GABRB2: variants seen among roughly 807,000 people sequenced by gnomAD.
GABRB2 encodes the protein gamma-aminobutyric acid receptor subunit beta-2.
A neutral mutation model predicts 54.7 loss-of-function variants in GABRB2; 16 were observed. The observed-to-expected ratio is 0.29, with a 90% CI of 0.20 to 0.44. The LOEUF is 0.44. Among genes scored for constraint, GABRB2 ranks in the 20% least tolerant of loss-of-function variants. The probability of loss-of-function intolerance (pLI) is 1.00; values close to 1 mark genes in which losing one functional copy is unlikely to be tolerated. For missense variants in GABRB2, 355 were observed against 644.0 expected, an observed-to-expected ratio of 0.55 and a Z score of 4.86; for synonymous variants, 244 against 233.8, an observed-to-expected ratio of 1.04 and a Z score of -0.40.
intron 3 of GABRB2, among the ~76,000 whole-genome samples, chr5:161,491,819 T>C (rs1759098547): frequency 6.6e-6 from 1 of 151,746 alleles, no homozygotes; most frequent in Admixed American, 6.6e-5. Flanking sequence ...CACTGCATTC[T>C]GTCTACAAAG....
At chr5:161,320,111 A>AT (rs1285347953) in intron 9 of GABRB2, among the ~76,000 whole-genome samples, 7 of 150,948 alleles carry the variant, frequency 4.6e-5, no homozygotes, top group Middle Eastern at 3.3e-3. Flanking sequence ...GGTTATTTTG[A>AT]TTTTCTAATT....
intron 3 of GABRB2, among the ~76,000 whole-genome samples, chr5:161,497,468 C>T (rs1438085137): frequency 6.6e-6 from 1 of 151,786 alleles, no homozygotes; most frequent in Non-Finnish European, 1.5e-5. Flanking sequence ...CATGAGATCC[C>T]ATGGGGACTC....
intron 3 of GABRB2, among the ~76,000 whole-genome samples, chr5:161,500,092 T>C (rs1037651192): frequency 3.9e-5 from 6 of 152,198 alleles, no homozygotes; most frequent in Non-Finnish European, 7.4e-5. Context: ...GGTTTTCTCT[T>C]AGTTCATTTA....
Position 161,483,522 on chromosome 5 carries a change from GAAACAGTGTTAT to G in GABRB2, c.238-23690_238-23679del, listed in dbSNP as rs565957721. The stretch of plus-strand genomic sequence containing the variant: ...AGACTCCTGGCCTGACCTCTTTATT[GAAACAGTGTTAT>G]AAAAAAGAGACAAATTAAAACAGAA... On this transcript the variant is annotated intron_variant, in intron 3 of 9. Coordinates refer to ENST00000393959, the MANE Select transcript of GABRB2 (RefSeq NM_001371727.1). Among the ~76,000 whole-genome samples the G allele has an allele frequency of 3.5e-3, 534 of 151,944 alleles. 3 individuals carry two copies. Among genetic ancestry groups the G allele is most frequent in the Non-Finnish European group, 5.9e-3 (399 of 67,920 alleles).
chr5:161,513,755 C>T (rs1415411754), intron 3 of GABRB2, among the ~76,000 whole-genome samples: 2 of 151,886 alleles, frequency 1.3e-5, no homozygotes, highest in African/African-American at 2.4e-5. Context: ...CTGTAATAAA[C>T]CTGCACGTGC....
intron 5 of GABRB2, among the ~76,000 whole-genome samples, chr5:161,404,909 A>G (rs1456958309): frequency 6.6e-6 from 1 of 152,136 alleles, no homozygotes; most frequent in East Asian, 1.9e-4. Flanking sequence ...AGATCATGTA[A>G]TCCCATCACT....
chr5:161,446,774 C>A (rs1468208973), intron 4 of GABRB2, among the ~76,000 whole-genome samples: 2 of 152,028 alleles, frequency 1.3e-5, no homozygotes, highest in South Asian at 4.2e-4. Context: ...GTAAAACAAC[C>A]CCTGTGTCTT....
chr5:161,500,658 A>AT (rs1166555548), intron 3 of GABRB2, among the ~76,000 whole-genome samples: 1 of 152,052 alleles, frequency 6.6e-6, no homozygotes, highest in Non-Finnish European at 1.5e-5. Flanking sequence ...TATGTAAAAT[A>AT]TTTTTTCTTT....
At chr5:161,384,191 T>C (rs1403701132) in intron 5 of GABRB2, among the ~76,000 whole-genome samples, 2 of 152,228 alleles carry the variant, frequency 1.3e-5, no homozygotes, top group African/African-American at 4.8e-5. Context: ...TAAAAAGATA[T>C]GTGGTCAATT....
At chr5:161,474,168 C>A (rs1356634035) in intron 3 of GABRB2, among the ~76,000 whole-genome samples, 1 of 151,946 alleles carries the variant, frequency 6.6e-6, no homozygotes, top group Non-Finnish European at 1.5e-5. Context: ...GGCGTACTGG[C>A]TTTTCCTTAT....
At chr5:161,501,167 T>C (rs1759427189) in intron 3 of GABRB2, among the ~76,000 whole-genome samples, 1 of 152,108 alleles carries the variant, frequency 6.6e-6, no homozygotes, top group Non-Finnish European at 1.5e-5. Flanking sequence ...ATAAACTCAC[T>C]GAATAAATTA....
chr5:161,365,820 TAGAC>T (rs1208522381), intron 5 of GABRB2, among the ~76,000 whole-genome samples: 8 of 152,138 alleles, frequency 5.3e-5, no homozygotes, highest in African/African-American at 1.9e-4. Context: ...AGGAGCCTCT[TAGAC>T]AGCAGTGTAA....
upstream of GABRB2, chr5:161,547,203 G>T (rs1404418633): frequency 7.0e-6 from 1 of 143,852 alleles, no homozygotes; most frequent in Non-Finnish European, 1.5e-5. Flanking sequence ...CTGGGATGGG[G>T]GGGGCGGGGG....
chr5:161,482,321 G>C (rs1758787035), intron 3 of GABRB2, among the ~76,000 whole-genome samples: 2 of 151,994 alleles, frequency 1.3e-5, no homozygotes, highest in Non-Finnish European at 2.9e-5. Context: ...TGTTCTTTTT[G>C]GTTTCATGTA....
At chr5:161,307,895 G>A (rs533590519) in intron 9 of GABRB2, among the ~76,000 whole-genome samples, 96 of 145,448 alleles carry the variant, frequency 6.6e-4, no homozygotes, top group African/African-American at 2.4e-3. Flanking sequence ...GTCTCGCTCT[G>A]TTGCCCAGGC....
In GABRB2 at chr5:161,520,765, A is replaced by G. The variant is rs1193158200; in HGVS notation, c.237+24462T>C. Among the ~76,000 whole-genome samples, 6 of 152,186 alleles carry G rather than the reference A, an allele frequency of 3.9e-5. No homozygotes were observed. The East Asian group carries it at 1.2e-3, about 29-fold the overall frequency. On this transcript the variant is annotated intron_variant, in intron 3 of 9. Coordinates refer to ENST00000393959, the MANE Select transcript of GABRB2 (RefSeq NM_001371727.1). ...GCTGGTACTGTAGCTAATCCCAGAA[A>G]AGAAATTCTGTTGTTTTGGTGTGGG...
chr5:161,405,814 A>C (rs1434924383), intron 5 of GABRB2, among the ~76,000 whole-genome samples: 1 of 152,054 alleles, frequency 6.6e-6, no homozygotes, highest in East Asian at 1.9e-4. Context: ...GTAATACCTC[A>C]AATGCTTCAA....
At chr5:161,470,270 A>G (rs1363978553) in intron 3 of GABRB2, among the ~76,000 whole-genome samples, 2 of 151,818 alleles carry the variant, frequency 1.3e-5, no homozygotes, top group African/African-American at 4.8e-5. Flanking sequence ...TAATCTCCAC[A>G]ACTAAACTAC....
chr5:161,431,359 A>G (rs1757166336), intron 4 of GABRB2, among the ~76,000 whole-genome samples: 1 of 152,106 alleles, frequency 6.6e-6, no homozygotes. Context: ...ATTTTCTGCC[A>G]TGACAAGAAA....
Sources: gnomAD v4.1 joint callset for allele counts (sites outside exome capture counted in the v4.1 genomes callset) on GRCh38, gnomAD v4.1.1 for gene constraint, MANE v1.5 for transcripts, NCBI Gene and HGNC (gene_info 2026-07-23, HGNC 2026-07-21) for gene names.